Variants in WDR72 observed in about 807,000 individuals in gnomAD.
WDR72 encodes WD repeat-containing protein 72.
WDR72 carries 120 observed loss-of-function variants against 124.2 expected under a neutral mutation model. That is an observed-to-expected ratio of 0.97 (90% confidence interval 0.83 to 1.12). The LOEUF (loss-of-function observed/expected upper bound fraction) is 1.12. WDR72 is among the 50% of genes most tolerant of loss of function. WDR72 has a pLI of 0.00. For missense variants in WDR72, 1,387 were observed against 1,278.8 expected (o/e 1.08, Z -1.29); for synonymous variants, 452 against 441.7 (o/e 1.02, Z -0.29).
chr15:53,733,391 T>C (rs2018260277), intron 1 of WDR72, among the ~76,000 whole-genome samples: 1 of 152,164 alleles, frequency 6.6e-6, no homozygotes, highest in Admixed American at 6.5e-5. Flanking sequence ...TCGAATTCCT[T>C]ATTATTGTTG....
chr15:53,654,936 C>T (rs569808770), intron 14 of WDR72, among the ~76,000 whole-genome samples: 12 of 152,058 alleles, frequency 7.9e-5, no homozygotes, highest in Non-Finnish European at 1.2e-4. Flanking sequence ...TAAAGATACG[C>T]TTAAGAGATC....
At chr15:53,573,180 T>C (rs1371053889) in intron 18 of WDR72, among the ~76,000 whole-genome samples, 1 of 152,218 alleles carries the variant, frequency 6.6e-6, no homozygotes, top group Non-Finnish European at 1.5e-5. Flanking sequence ...CTAAGCTAAG[T>C]ATCTCATTTT....
At chr15:53,745,836 C>T (rs1595887007) in intron 1 of WDR72, among the ~76,000 whole-genome samples, 1 of 151,954 alleles carries the variant, frequency 6.6e-6, no homozygotes, top group Non-Finnish European at 1.5e-5. Flanking sequence ...GTTACTTGGC[C>T]AAAGTAACCA....
intron 19 of WDR72, among the ~76,000 whole-genome samples, chr15:53,521,934 T>C (rs1891822189): frequency 6.6e-6 from 1 of 152,048 alleles, no homozygotes; most frequent in Non-Finnish European, 1.5e-5. Context: ...TCATCTACAT[T>C]TTTCTTTTGG....
At chr15:53,725,560 A>T (rs1395715674) in intron 2 of WDR72, among the ~76,000 whole-genome samples, 2 of 152,258 alleles carry the variant, frequency 1.3e-5, no homozygotes, top group Non-Finnish European at 2.9e-5. Flanking sequence ...CAACCAAGAT[A>T]TCCTTCAAGT....
intron 18 of WDR72, among the ~76,000 whole-genome samples, chr15:53,529,093 A>G (rs1724289854): frequency 6.7e-6 from 1 of 149,520 alleles, no homozygotes; most frequent in African/African-American, 2.5e-5. Context: ...AAAGAAGGAA[A>G]CCCTGTCTGA....
intron 14 of WDR72, among the ~76,000 whole-genome samples, chr15:53,639,294 C>A (rs569909416): frequency 6.6e-6 from 1 of 151,796 alleles, no homozygotes; most frequent in African/African-American, 2.4e-5. Flanking sequence ...AACAGACAGC[C>A]GCAGTCCCTG....
chr15:53,687,469 G>T (rs1315346113), intron 13 of WDR72, among the ~76,000 whole-genome samples: 1 of 151,464 alleles, frequency 6.6e-6, no homozygotes, highest in African/African-American at 2.4e-5. Flanking sequence ...TAGAAGAAAT[G>T]GATAAATTCC....
chr15:53,668,842 C>T (rs1409965111), intron 13 of WDR72, among the ~76,000 whole-genome samples: 1 of 145,230 alleles, frequency 6.9e-6, no homozygotes, highest in Non-Finnish European at 1.5e-5. Flanking sequence ...AAAGTCGAGG[C>T]TGCAGTGAGC....
Position 53,704,970 on chromosome 15 carries a change from C to T in WDR72, c.1348+18G>A. On this transcript the variant is annotated intron_variant, in intron 11 of 19. Transcript: ENST00000360509. ...TTTAGATAAATCAAATAAATAGGGTCAAATAAAATTCAAGGACCTTTTACT... is the reference window on the plus strand; with the variant it reads ...TTTAGATAAATCAAATAAATAGGGTTAAATAAAATTCAAGGACCTTTTACT... 1 of 1,613,020 alleles carries T rather than the reference C, an allele frequency of 6.2e-7. No individual in the cohort carries two copies.
At chr15:53,541,605 C>T (rs1193607681) in intron 18 of WDR72, among the ~76,000 whole-genome samples, 4 of 151,618 alleles carry the variant, frequency 2.6e-5, no homozygotes, top group Non-Finnish European at 5.9e-5. Flanking sequence ...TCCAAAGGAA[C>T]GCAGTTCCTC....
At chr15:53,536,725 G>A (rs1406552383) in intron 18 of WDR72, among the ~76,000 whole-genome samples, 3 of 152,288 alleles carry the variant, frequency 2.0e-5, no homozygotes, top group African/African-American at 7.2e-5. Flanking sequence ...CGGCATTGAA[G>A]CTAAAAGTTT....
intron 18 of WDR72, among the ~76,000 whole-genome samples, chr15:53,557,820 T>A (rs1893986341): frequency 6.6e-6 from 1 of 152,026 alleles, no homozygotes; most frequent in Non-Finnish European, 1.5e-5. Flanking sequence ...CATATATTAA[T>A]TTCTCATATT....
chr15:53,516,496 T>C lies in WDR72; in HGVS notation c.*1203A>G, dbSNP rs1051919842. The C allele has an allele frequency of 6.6e-6, 1 of 152,070 alleles. No individual in the cohort carries two copies. Among genetic ancestry groups the C allele is most frequent in the Non-Finnish European group, 1.5e-5 (1 of 67,970 alleles). The allele number at this position is 152,070 out of a possible 1,614,324, so 9.4% of individuals were successfully genotyped here. The stretch of plus-strand genomic sequence containing the variant: ...TGTTAGATACATACATAGATATAGC[T>C]ATATATCATATATTTAATGCTTTAT... On this transcript the variant is annotated 3_prime_UTR_variant, in exon 20 of 20. Coordinates refer to ENST00000360509, the MANE Select transcript of WDR72 (RefSeq NM_182758.4).
intron 14 of WDR72, among the ~76,000 whole-genome samples, chr15:53,651,261 C>T (rs1371399372): frequency 1.3e-5 from 2 of 152,142 alleles, no homozygotes; most frequent in Non-Finnish European, 2.9e-5. Context: ...CAGTATAAAT[C>T]CTACCTCCTT....
At chr15:53,608,182 C>T (rs1403180264) in intron 17 of WDR72, among the ~76,000 whole-genome samples, 1 of 152,138 alleles carries the variant, frequency 6.6e-6, no homozygotes, top group Non-Finnish European at 1.5e-5. Flanking sequence ...ACCAGTATAT[C>T]AAAGAGAAAT....
At chr15:53,554,340 A>G (rs748507019) in intron 18 of WDR72, among the ~76,000 whole-genome samples, 8 of 152,118 alleles carry the variant, frequency 5.3e-5, no homozygotes, top group Non-Finnish European at 4.4e-5. Flanking sequence ...GAAAAAAAAA[A>G]CTTAACAATG....
intron 18 of WDR72, among the ~76,000 whole-genome samples, chr15:53,547,848 G>A (rs1414009882): frequency 6.6e-6 from 1 of 152,106 alleles, no homozygotes; most frequent in Non-Finnish European, 1.5e-5. Flanking sequence ...GCATCTGAAG[G>A]AAGAGGACAA....
intron 18 of WDR72, among the ~76,000 whole-genome samples, chr15:53,544,152 C>A (rs2140265855): frequency 6.9e-6 from 1 of 144,352 alleles, no homozygotes; most frequent in African/African-American, 2.6e-5. Flanking sequence ...TCCTCCCTAA[C>A]TCATTTTATG....
Sources: gnomAD v4.1 joint callset for allele counts (sites outside exome capture counted in the v4.1 genomes callset) on GRCh38, gnomAD v4.1.1 for gene constraint, MANE v1.5 for transcripts, NCBI Gene and HGNC (gene_info 2026-07-23, HGNC 2026-07-21) for gene names.